Variants in DMD observed in about 807,000 individuals in gnomAD.
DMD encodes mutant dystrophin.
DMD carries 63 observed loss-of-function variants against 330.1 expected under a neutral mutation model. The observed-to-expected ratio is 0.19, with a 90% CI of 0.16 to 0.24. The LOEUF is 0.24. DMD is among the 10% of genes least tolerant of loss of function. The probability of loss-of-function intolerance (pLI) is 1.00; values close to 1 mark genes in which losing one functional copy is unlikely to be tolerated. For synonymous variants in DMD, 1,223 were observed against 959.8 expected, an observed-to-expected ratio of 1.27 and a Z score of -5.07; for missense variants, 3,344 against 2,684.1, an observed-to-expected ratio of 1.25 and a Z score of -5.43.
At chrX:31,964,381 C>G (rs888985879) in intron 45 of DMD, among the ~76,000 whole-genome samples, 1 of 110,716 alleles carries the variant, frequency 9.0e-6, no homozygotes, top group African/African-American at 3.3e-5. Flanking sequence ...GGTACTAACT[C>G]CCCTGCAAAA....
At chrX:31,511,188 G>A (rs1450295588) in intron 55 of DMD, among the ~76,000 whole-genome samples, 4 of 107,351 alleles carry the variant, frequency 3.7e-5, no homozygotes, top group African/African-American at 1.0e-4. Context: ...AAGGCAGCAT[G>A]AGTCATAGAT....
At chrX:31,929,478 A>G (rs1284640683) in intron 47 of DMD, 118 bp downstream of exon 47, 2 of 915,093 alleles carry the variant, frequency 2.2e-6, no homozygotes, top group Non-Finnish European at 3.1e-6. Flanking sequence ...AAAACAAAAC[A>G]AAACAACAAT....
intron 52 of DMD, among the ~76,000 whole-genome samples, chrX:31,685,234 AT>A (rs5901990): frequency 0.15 from 17,139 of 111,326 alleles, 1,129 homozygotes; most frequent in East Asian, 0.34. Context: ...ACCTCTTTCT[AT>A]TCAATTTCTT....
At chrX:32,010,108 T>C (rs1046394379) in intron 44 of DMD, among the ~76,000 whole-genome samples, 2 of 111,973 alleles carry the variant, frequency 1.8e-5, no homozygotes, top group African/African-American at 6.5e-5. Flanking sequence ...TTCCAGCAGC[T>C]AGAACTGCGT....
intron 9 of DMD, among the ~76,000 whole-genome samples, chrX:32,678,851 T>A (rs142191299): frequency 1.8e-5 from 2 of 111,654 alleles, no homozygotes; most frequent in East Asian, 5.6e-4. Flanking sequence ...GACTCCCTCC[T>A]TACAACTTTG....
intron 1 of DMD, among the ~76,000 whole-genome samples, chrX:33,070,673 C>CTCTCTCTCTCTCTCTATA (rs1192910156): frequency 5.6e-5 from 2 of 35,640 alleles, no homozygotes; most frequent in Non-Finnish European, 8.9e-5. Context: ...CTCTCTCTCT[C>CTCTCTCTCTCTCTCTATA]TATATATATA....
intron 45 of DMD, among the ~76,000 whole-genome samples, chrX:31,960,208 T>C (rs2095289676): frequency 9.0e-6 from 1 of 111,105 alleles, no homozygotes; most frequent in African/African-American, 3.3e-5. Flanking sequence ...TAAGAATAAC[T>C]TGCATAGCCA....
intron 1 of DMD, among the ~76,000 whole-genome samples, chrX:33,192,041 G>A (rs1381228813): frequency 8.9e-6 from 1 of 111,873 alleles, no homozygotes; most frequent in African/African-American, 3.3e-5. Flanking sequence ...TGCAGTTAAA[G>A]AAAAACAGGC....
At chrX:32,097,905 T>C (rs1203693887) in intron 44 of DMD, among the ~76,000 whole-genome samples, 2 of 111,838 alleles carry the variant, frequency 1.8e-5, no homozygotes. Context: ...TCTACTTTTT[T>C]TGACTAATAA....
chrX:32,809,943 A>AAG (rs1557048306), intron 6 of DMD, among the ~76,000 whole-genome samples: 21 of 83,986 alleles, frequency 2.5e-4, no homozygotes, highest in African/African-American at 9.1e-4. Context: ...AAAAAAAAAA[A>AAG]AAAGAAAGAA....
intron 30 of DMD, among the ~76,000 whole-genome samples, chrX:32,405,759 T>G (rs2098113795): frequency 1.8e-5 from 2 of 111,517 alleles, no homozygotes; most frequent in Admixed American, 1.9e-4. Flanking sequence ...CCATATGAAC[T>G]TTAAAGTAGT....
rs979333801 is a variant in DMD, at chrX:32,614,429, G to C, written c.1356C>G (p.Leu452=). The change falls in exon 12 of 79, where the codon CTC becomes CTG. Residue 452 remains leucine, a synonymous_variant. Transcript: ENST00000357033. ...TCAACTCTTTCAGTTTCTGATTCTG[G>C]AGATCCATTAAAACTCTATGTAAAC... ...QSNLHRVLMD[L]QNQKLKELND... 5 of 1,205,216 alleles carry C rather than the reference G, an allele frequency of 4.1e-6. No individual in the cohort carries two copies. The highest frequency in any genetic ancestry group is 5.6e-6 in the Non-Finnish European group (5 of 892,556).
intron 30 of DMD, among the ~76,000 whole-genome samples, chrX:32,400,739 T>G (rs1226918161): frequency 7.4e-5 from 8 of 108,617 alleles, no homozygotes; most frequent in African/African-American, 2.7e-4. Flanking sequence ...GGTGGGACTG[T>G]AAACTGGTTC....
chrX:31,593,788 G>GA (rs986105541), intron 55 of DMD, among the ~76,000 whole-genome samples: 3 of 109,050 alleles, frequency 2.8e-5, no homozygotes, highest in Non-Finnish European at 5.7e-5. Context: ...TTGTTAAAGT[G>GA]AAAAAAATAA....
chrX:31,704,367 C>A (rs1333418768), intron 52 of DMD, among the ~76,000 whole-genome samples: 6 of 110,942 alleles, frequency 5.4e-5, no homozygotes, highest in Non-Finnish European at 1.9e-5. Flanking sequence ...AGAGACAATA[C>A]CTTGGTGAAA....
chrX:32,820,976 T>C (rs1044534721), intron 5 of DMD, among the ~76,000 whole-genome samples: 1 of 111,034 alleles, frequency 9.0e-6, no homozygotes, highest in Admixed American at 9.6e-5. Context: ...TGAAAAGCAG[T>C]TTGGGGAGAG....
intron 45 of DMD, among the ~76,000 whole-genome samples, chrX:31,955,019 A>AG (rs1271890761): frequency 3.7e-5 from 4 of 106,669 alleles, no homozygotes; most frequent in Non-Finnish European, 5.8e-5. Flanking sequence ...AAAAAAAAAA[A>AG]AAAAGAAATA....
intron 44 of DMD, among the ~76,000 whole-genome samples, chrX:32,073,453 A>G (rs895709083): frequency 2.7e-5 from 3 of 111,793 alleles, no homozygotes; most frequent in Admixed American, 1.9e-4. Flanking sequence ...TATAAACATT[A>G]TGGCTAAAAA....
intron 54 of DMD, among the ~76,000 whole-genome samples, chrX:31,634,268 A>G (rs2079284634): frequency 8.9e-6 from 1 of 111,999 alleles, no homozygotes; most frequent in Non-Finnish European, 1.9e-5. Flanking sequence ...GTTCACCAAC[A>G]TATGAATTAA....
Sources: allele counts gnomAD v4.1 joint callset (sites outside exome capture counted in the v4.1 genomes callset), GRCh38; gene constraint gnomAD v4.1.1; transcripts MANE v1.5; gene names NCBI Gene and HGNC (gene_info 2026-07-23, HGNC 2026-07-21).